TCP11: variants seen among roughly 807,000 people sequenced by gnomAD.
TCP11 encodes the protein t-complex 11.
Under a neutral mutation model 45.0 loss-of-function variants are expected in TCP11, and 34 were observed. The observed-to-expected ratio is 0.76, with a 90% CI of 0.57 to 1.01. The LOEUF (loss-of-function observed/expected upper bound fraction) is 1.01, where lower values mean the gene tolerates loss of function less well. TCP11 is among the 50% of genes least tolerant of loss of function. TCP11 has a pLI of 0.00. For missense variants in TCP11, 523 were observed against 598.1 expected, an observed-to-expected ratio of 0.87 and a Z score of 1.31; for synonymous variants, 227 against 227.0, an observed-to-expected ratio of 1.00 and a Z score of 0.00.
intron 3 of TCP11, among the ~76,000 whole-genome samples, chr6:35,132,887 A>C (rs1466427090): frequency 6.6e-6 from 1 of 152,130 alleles, no homozygotes; most frequent in South Asian, 2.1e-4. Flanking sequence ...AAACATCTCT[A>C]AACAGTGAGA....
rs1562014086 is a variant in TCP11, at chr6:35,140,550, CTTCT to C, written c.124+193_124+196del. On this transcript the variant is annotated intron_variant, in intron 2 of 9. Transcript: ENST00000311875. ...GATTCAAGTAATCACGCTTGGGTCA[CTTCT>C]TTCTCTAGAACCAAAAACTCTTTGA... 7.4e-6 allele frequency: 5 copies of C among 673,354 alleles called. No individual in the cohort carries two copies. The South Asian group carries it at 7.5e-5, about 10-fold the overall frequency. The allele number at this position is 673,354 out of a possible 1,614,324, so 41.7% of individuals were successfully genotyped here.
At chr6:35,140,477 T>C in intron 2 of TCP11, 2 of 594,572 alleles carry the variant, frequency 3.4e-6, no homozygotes, top group East Asian at 3.7e-5. Flanking sequence ...ATATTCAAAA[T>C]ACAATACAAA....
At chr6:35,121,179 A>G (rs2494096) in intron 5 of TCP11, 134 bp from the exon 6 acceptor site, 724,494 of 1,075,780 alleles carry the variant, frequency 0.67, 245,873 homozygotes, top group Middle Eastern at 0.81. Context: ...TTCAGAAGAT[A>G]ACATGTGGCC....
Position 35,118,375 on chromosome 6 carries a change from T to C in TCP11, c.1406A>G (p.Asn469Ser), listed in dbSNP as rs1241232875. The part of the protein sequence containing the change: ...ELAELGQKFV[N>S]LTHHNQQVFG... ...CACCTGCTGATTGTGATGTGTCAAGTTGACAAACTTTTGGCCCAGTTCTGC... is the reference window on the plus strand; with the variant it reads ...CACCTGCTGATTGTGATGTGTCAAGCTGACAAACTTTTGGCCCAGTTCTGC... The change falls in exon 10 of 10, where the codon AAC (asparagine) becomes AGC (serine). Residue 469 changes from asparagine (N) to serine (S), a missense_variant. Coordinates refer to ENST00000311875, the MANE Select transcript of TCP11 (RefSeq NM_001370687.1). 1.9e-6 allele frequency: 3 copies of C among 1,614,184 alleles called. No homozygotes were observed. The highest frequency in any genetic ancestry group is 1.3e-5 in the African/African-American group (1 of 75,050).
At chr6:35,135,430 T>C (rs970790219) in intron 3 of TCP11, among the ~76,000 whole-genome samples, 16 of 152,234 alleles carry the variant, frequency 1.1e-4, no homozygotes, top group African/African-American at 3.6e-4. Flanking sequence ...TGAAAGACTA[T>C]AAGCCCGAGG....
chr6:35,139,913 A>G, intron 2 of TCP11: 1 of 1,220,558 alleles, frequency 8.2e-7, no homozygotes, highest in Non-Finnish European at 1.2e-6. Context: ...TTTAAAAAGG[A>G]ATTTGATTAT....
chr6:35,121,902 A>AG (rs539088096), intron 5 of TCP11, among the ~76,000 whole-genome samples: 13 of 152,070 alleles, frequency 8.5e-5, no homozygotes, highest in Admixed American at 5.9e-4. Context: ...GGTATTACAG[A>AG]GGGGGGGCCC....
intron 4 of TCP11, among the ~76,000 whole-genome samples, chr6:35,126,580 A>G (rs1779840892): frequency 6.6e-6 from 1 of 150,914 alleles, no homozygotes; most frequent in Non-Finnish European, 1.5e-5. Flanking sequence ...TTACAGCATT[A>G]GGTGAGCAAC....
At chr6:35,125,992 GA>G (rs1437996871) in intron 4 of TCP11, among the ~76,000 whole-genome samples, 1 of 152,198 alleles carries the variant, frequency 6.6e-6, no homozygotes, top group Non-Finnish European at 1.5e-5. Context: ...GCTAGTGGGA[GA>G]GGGGAAAGGG....
intron 3 of TCP11, among the ~76,000 whole-genome samples, chr6:35,135,104 G>A (rs564748049): frequency 9.4e-5 from 14 of 149,622 alleles, no homozygotes; most frequent in African/African-American, 2.7e-4. Flanking sequence ...CCGAGATCGC[G>A]CCATTGCACT....
At chr6:35,140,177 G>A in intron 2 of TCP11, 1 of 1,579,674 alleles carries the variant, frequency 6.3e-7, no homozygotes, top group Non-Finnish European at 8.6e-7. Flanking sequence ...ATTTTATCTT[G>A]AGTTGTTGCA....
In TCP11 at chr6:35,120,017, G is replaced by A; in HGVS notation, c.1115+142C>T. The A allele has an allele frequency of 8.7e-7, 1 of 1,145,286 alleles. No homozygotes were observed. 70.9% of individuals were successfully genotyped at this position (1,145,286 alleles called of 1,614,324 possible). On this transcript the variant is annotated intron_variant, in intron 8 of 9. Coordinates refer to ENST00000311875, the MANE Select transcript of TCP11 (RefSeq NM_001370687.1). This position sits in a 1 kb window ranked among gnomAD's most constrained non-coding sequence, Gnocchi z 4.9. ...TGTTACACCCTCATGACCACTTATG[G>A]AAAGAAACCAACAATCTTTGTAGAT... is the stretch of plus-strand genomic sequence containing the variant.
chr6:35,120,007 A>G lies in TCP11; in HGVS notation c.1115+152T>C. 1 of 1,030,146 alleles carries G rather than the reference A, an allele frequency of 9.7e-7. No individual in the cohort carries two copies. Among genetic ancestry groups the G allele is most frequent in the Non-Finnish European group, 1.4e-6 (1 of 737,426 alleles). 63.8% of individuals were successfully genotyped at this position (1,030,146 alleles called of 1,614,324 possible). A position where few individuals can be genotyped will look rare whatever the true frequency, so the allele number is the denominator to read the frequency against. On this transcript the variant is annotated intron_variant, in intron 8 of 9. Transcript: ENST00000311875. The surrounding 1 kb of genome is among the most constrained non-coding windows in gnomAD (Gnocchi z 4.9). ...GGTTTTTTTTTGTTACACCCTCATG[A>G]CCACTTATGGAAAGAAACCAACAAT...
intron 4 of TCP11, among the ~76,000 whole-genome samples, chr6:35,127,186 G>A (rs1779920312): frequency 1.3e-5 from 2 of 152,110 alleles, no homozygotes; most frequent in Non-Finnish European, 2.9e-5. Context: ...TTATACCACT[G>A]AACCAAAAGG....
At chr6:35,141,148 G>A in intron 1 of TCP11, 57 bp downstream of exon 1, 1 of 1,317,872 alleles carries the variant, frequency 7.6e-7, no homozygotes, top group Non-Finnish European at 9.6e-7. Context: ...TCGCGGCGAG[G>A]TGCCCCCCTC....
intron 3 of TCP11, among the ~76,000 whole-genome samples, chr6:35,130,523 A>G (rs1780294737): frequency 6.6e-6 from 1 of 152,210 alleles, no homozygotes; most frequent in Non-Finnish European, 1.5e-5. Flanking sequence ...ATGAACAACC[A>G]TTAAAAAATA....
rs1781749969 is a variant in TCP11, at chr6:35,141,234, T to G, written c.-44A>C. 2 of 1,392,370 alleles carry G rather than the reference T, an allele frequency of 1.4e-6. No individual in the cohort carries two copies. The highest frequency in any genetic ancestry group is 1.6e-5 in the South Asian group (1 of 64,512). The allele number at this position is 1,392,370 out of a possible 1,614,324, so 86.3% of individuals were successfully genotyped here. On this transcript the variant is annotated 5_prime_UTR_variant, in exon 1 of 10. Coordinates refer to ENST00000311875, the MANE Select transcript of TCP11 (RefSeq NM_001370687.1). Reference sequence around the variant, plus strand: ...TCCTCCCCCGCCGCGGGTCATCCACTGGCGTCCGCTCGGTGGGCCTCGCGG... The same window carrying G: ...TCCTCCCCCGCCGCGGGTCATCCACGGGCGTCCGCTCGGTGGGCCTCGCGG...
At position 35,118,450 on chromosome 6, in the gene TCP11, C is replaced by A. The variant is rs548056330; in HGVS notation, c.1331G>T (p.Arg444Leu). Reference protein sequence around the residue: ...LKCCLVLGVQRSLLDLPGGLT... With the variant: ...LKCCLVLGVQLSLLDLPGGLT... ...GCCTCCAGGAAGGTCTAATAGAGAC[C>A]GCTGCACACCAAGAACCAAACAGCA... The change falls in exon 10 of 10, where the codon CGG becomes CTG. Residue 444 changes from arginine to leucine, a missense_variant. Transcript: ENST00000311875. The A allele has an allele frequency of 3.1e-6, 5 of 1,613,926 alleles. No homozygotes were observed. The Admixed American group carries it at 8.3e-5, about 27-fold the overall frequency.
Position 35,120,254 on chromosome 6 carries a change from G to A in TCP11, c.1020C>T (p.Ala340=). 6.2e-7 allele frequency: 1 copy of A among 1,614,208 alleles called. No homozygotes were observed. The highest frequency in any genetic ancestry group is 8.5e-7 in the Non-Finnish European group (1 of 1,180,032). ...LTVMASVLLV[A]SSFSGSVLFG... Reference sequence around the variant, plus strand: ...ACAAAACACTGCCGGAGAAACTACTGGCCACCAGCAAGACTGAGGCCATGA... The same window carrying A: ...ACAAAACACTGCCGGAGAAACTACTAGCCACCAGCAAGACTGAGGCCATGA... Residue 340 remains alanine, a synonymous_variant, in exon 8 of 10, where the codon GCC becomes GCT. Transcript: ENST00000311875. The surrounding 1 kb of genome is among the most constrained non-coding windows in gnomAD (Gnocchi z 4.9).
Sources: gnomAD v4.1 joint callset for allele counts (sites outside exome capture counted in the v4.1 genomes callset) on GRCh38, gnomAD v4.1.1 for gene constraint, Gnocchi (gnomAD v3.1) non-coding constraint, MANE v1.5 for transcripts, NCBI Gene and HGNC (gene_info 2026-07-23, HGNC 2026-07-21) for gene names.